CUX1: variants seen among roughly 807,000 people sequenced by gnomAD.
CUX1 encodes the protein cut like homeobox 1, also known as protein CASP.
CUX1 carries 31 observed loss-of-function variants against 158.8 expected under a neutral mutation model. The observed-to-expected ratio is 0.20, with a 90% CI of 0.15 to 0.26. The LOEUF (loss-of-function observed/expected upper bound fraction) is 0.26. CUX1 is among the 10% of genes least tolerant of loss of function. The probability of loss-of-function intolerance (pLI) is 1.00; values close to 1 mark genes in which losing one functional copy is unlikely to be tolerated. For synonymous variants in CUX1, 879 were observed against 862.1 expected (o/e 1.02, Z -0.34); for missense variants, 1,589 against 2,014.6 (o/e 0.79, Z 4.04).
chr7:102,251,161 T>G lies in CUX1; in HGVS notation c.*2119T>G, dbSNP rs1801467449. 2.0e-6 allele frequency: 2 copies of G among 984,434 alleles called. No individual in the cohort carries two copies. The highest frequency in any genetic ancestry group is 1.7e-5 in the African/African-American group (1 of 57,212). 61.0% of individuals were successfully genotyped at this position (984,434 alleles called of 1,614,324 possible). A position where few individuals can be genotyped will look rare whatever the true frequency, so the allele number is the denominator to read the frequency against. ...CCGTATTGTGTATCATTGAAACCTT[T>G]GTCTTAGGTCAACATCTTTGGATGA... On this transcript the variant is annotated 3_prime_UTR_variant, in exon 24 of 24. Transcript: ENST00000292535.
chr7:102,146,339 C>A (rs797039256), intron 8 of CUX1, among the ~76,000 whole-genome samples: 17 of 152,302 alleles, frequency 1.1e-4, no homozygotes, highest in African/African-American at 3.8e-4. Context: ...TGGGGTCACA[C>A]GCTCTGGTGA....
chr7:102,282,973 T>TC, intron 22 of CUX1: 2 of 1,340,794 alleles, frequency 1.5e-6, no homozygotes, highest in Non-Finnish European at 1.0e-6. Context: ...ACACCCCCCT[T>TC]CCCCAACACA....
In CUX1 at chr7:102,254,810, C is replaced by G. The variant is rs372408761; in HGVS notation, c.*5768C>G. On this transcript the variant is annotated 3_prime_UTR_variant, in exon 24 of 24. Coordinates refer to ENST00000292535, the MANE Select transcript of CUX1 (RefSeq NM_181552.4). ...GTTGGATCTCAGCGTGTACTGAATG[C>G]CAGTCTGGCCGGCACACTCGAACGC... is the stretch of plus-strand genomic sequence containing the variant. 31 of 985,340 alleles carry G rather than the reference C, an allele frequency of 3.1e-5. 1 individual carries two copies. The East Asian group carries it at 1.1e-3, about 36-fold the overall frequency. The allele number at this position is 985,340 out of a possible 1,614,324, so 61.0% of individuals were successfully genotyped here.
chr7:101,984,077 C>CAA lies in CUX1; in HGVS notation c.142-44009_142-44008dup, dbSNP rs1181549351. Among the ~76,000 whole-genome samples the CAA allele has an allele frequency of 4.4e-3, 73 of 16,702 alleles. 7 individuals are homozygous for CAA. The highest frequency in any genetic ancestry group is 0.012 in the Admixed American group (15 of 1,286). The allele number at this position is 16,702 out of a possible 152,430, so 11.0% of individuals were successfully genotyped here. ...GACAGAGCAAGACTCTGTCCCCCCC[C>CAA]AAAAAAAAAAAAATATATATATATA... On this transcript the variant is annotated intron_variant, in intron 2 of 23. Transcript: ENST00000292535.
intron 2 of CUX1, among the ~76,000 whole-genome samples, chr7:102,022,542 C>T (rs542066122): frequency 2.4e-4 from 36 of 151,648 alleles, no homozygotes; most frequent in Admixed American, 1.6e-3. Flanking sequence ...TGCTCGTGCC[C>T]GGGAGGTCAC....
chr7:102,063,633 T>A (rs924066922), intron 3 of CUX1, among the ~76,000 whole-genome samples: 5 of 152,078 alleles, frequency 3.3e-5, no homozygotes, highest in African/African-American at 9.7e-5. Context: ...CCTCAAGTGA[T>A]CCACCCACCT....
At chr7:101,911,281 G>A (rs1224260011) in intron 1 of CUX1, among the ~76,000 whole-genome samples, 5 of 152,208 alleles carry the variant, frequency 3.3e-5, no homozygotes, top group Non-Finnish European at 4.4e-5. Flanking sequence ...TGGTCCTGCC[G>A]TGGATGACCT....
At chr7:102,011,934 A>G (rs1563128011) in intron 2 of CUX1, among the ~76,000 whole-genome samples, 4 of 151,698 alleles carry the variant, frequency 2.6e-5, no homozygotes. Flanking sequence ...TCAGCCTCCC[A>G]AGTAGCTAGG....
intron 2 of CUX1, among the ~76,000 whole-genome samples, chr7:101,993,410 G>A (rs1224907058): frequency 5.3e-5 from 8 of 152,204 alleles, no homozygotes; most frequent in Non-Finnish European, 7.3e-5. Context: ...CGCACCATCA[G>A]AGAAATGGAG....
chr7:102,122,950 G>T (rs1264824441), intron 8 of CUX1, among the ~76,000 whole-genome samples: 1 of 152,096 alleles, frequency 6.6e-6, no homozygotes, highest in Non-Finnish European at 1.5e-5. Flanking sequence ...TAGAGAGGCA[G>T]CCGGGCACGG....
At chr7:102,217,839 G>A (rs113229443) in intron 20 of CUX1, among the ~76,000 whole-genome samples, 9,934 of 137,234 alleles carry the variant, frequency 0.072, 565 homozygotes, top group African/African-American at 0.13. Context: ...GGATGGACGT[G>A]ATGGTGTCTA....
Position 101,844,261 on chromosome 7 carries a change from C to T in CUX1, c.30+26592C>T, listed in dbSNP as rs147256649. Among the ~76,000 whole-genome samples, 511 of 149,844 alleles carry T rather than the reference C, an allele frequency of 3.4e-3. 3 individuals carry two copies. The highest frequency in any genetic ancestry group is 4.6e-3 in the Admixed American group (68 of 14,900). On this transcript the variant is annotated intron_variant, in intron 1 of 23. Coordinates refer to ENST00000292535, the MANE Select transcript of CUX1 (RefSeq NM_181552.4). ...ATCTCCCTGGTTTGCACGTTGTCCA[C>T]GGGAATAAAGTCTCTTTCCTCCAGA...
In CUX1 at chr7:101,851,165, C is replaced by G. The variant is rs182469689; in HGVS notation, c.30+33496C>G. 7.2e-5 allele frequency among the ~76,000 whole-genome samples: 11 copies of G among 152,228 alleles called. No homozygotes were observed. In the East Asian group the frequency reaches 2.1e-3, roughly 29 times the overall value. Reference sequence around the variant, plus strand: ...AGCATAGTCATACTTCTCTTTTTGGCTCAATCAATTTTCAAATATACAGTG... The same window carrying G: ...AGCATAGTCATACTTCTCTTTTTGGGTCAATCAATTTTCAAATATACAGTG... On this transcript the variant is annotated intron_variant, in intron 1 of 23. Transcript: ENST00000292535.
rs1278950754 is a variant in CUX1, at chr7:101,913,925, G to A, written c.31-2190G>A. 2.0e-5 allele frequency among the ~76,000 whole-genome samples: 3 copies of A among 151,912 alleles called. No individual in the cohort carries two copies. The East Asian group carries it at 5.8e-4, about 29-fold the overall frequency. On this transcript the variant is annotated intron_variant, in intron 1 of 23. Transcript: ENST00000292535. The stretch of plus-strand genomic sequence containing the variant: ...GGCTCCTTTTATAACTTCGGCTGCT[G>A]CTGCTTAAATATAGATGTCAAAGCC...
At chr7:101,999,217 CT>C (rs3988167) in intron 2 of CUX1, among the ~76,000 whole-genome samples, 4,876 of 85,686 alleles carry the variant, frequency 0.057, 148 homozygotes, top group African/African-American at 0.11. Flanking sequence ...TTTTTTTTAC[CT>C]TTTTTTTTTT....
At chr7:102,228,886 C>T (rs1328350568) in intron 21 of CUX1, among the ~76,000 whole-genome samples, 1 of 152,176 alleles carries the variant, frequency 6.6e-6, no homozygotes, top group African/African-American at 2.4e-5. Flanking sequence ...GCCAGGATGG[C>T]TTAGTGGAAG....
In CUX1 at chr7:102,104,475, A is replaced by G. The variant is rs782464714; in HGVS notation, c.530+16A>G. On this transcript the variant is annotated intron_variant, in intron 6 of 23. Coordinates refer to ENST00000292535, the MANE Select transcript of CUX1 (RefSeq NM_181552.4). Reference sequence around the variant, plus strand: ...AAAAGGAGAGGTGAGCATGACTTCCAGGCACACACAGACTGACATAGCATT... The same window carrying G: ...AAAAGGAGAGGTGAGCATGACTTCCGGGCACACACAGACTGACATAGCATT... The G allele has an allele frequency of 1.7e-5, 27 of 1,611,166 alleles. No individual in the cohort carries two copies. In the Admixed American group the frequency reaches 3.7e-4, roughly 22 times the overall value.
intron 9 of CUX1, among the ~76,000 whole-genome samples, chr7:102,160,393 C>G (rs1790305681): frequency 1.3e-5 from 2 of 151,988 alleles, no homozygotes; most frequent in African/African-American, 4.8e-5. Flanking sequence ...GTGCTCTATC[C>G]AGAACAGGTT....
intron 1 of CUX1, among the ~76,000 whole-genome samples, chr7:101,879,272 C>G (rs1799470051): frequency 6.6e-6 from 1 of 151,982 alleles, no homozygotes; most frequent in South Asian, 2.1e-4. Flanking sequence ...GACCTTAACC[C>G]TTTGCCCCCT....
Sources: allele counts gnomAD v4.1 joint callset (sites outside exome capture counted in the v4.1 genomes callset), GRCh38; gene constraint gnomAD v4.1.1; transcripts MANE v1.5; gene names NCBI Gene and HGNC (gene_info 2026-07-23, HGNC 2026-07-21).